The following PCDHA4 variants were observed in gnomAD, a reference collection of about 807,000 sequenced individuals.
The protein encoded by PCDHA4 is protocadherin alpha 4, also known as protocadherin alpha-4.
PCDHA4 carries 49 observed loss-of-function variants against 61.4 expected under a neutral mutation model. The ratio of observed to expected loss-of-function variants is 0.80; its 90% CI spans 0.63 to 1.01. The LOEUF (loss-of-function observed/expected upper bound fraction) is 1.01. Among genes scored for constraint, PCDHA4 ranks in the 50% least tolerant of loss-of-function variants. The pLI is 0.00. For synonymous variants in PCDHA4, 590 were observed against 550.3 expected (o/e 1.07, Z -1.01); for missense variants, 1,254 against 1,235.8 (o/e 1.01, Z -0.22).
rs2150263250 is a variant in PCDHA4 at position 140,836,539 on chromosome 5, C to A, written c.2385+26967C>A. On this transcript the variant is annotated intron_variant, in intron 1 of 3. Transcript: ENST00000530339. ...TTGGTGCTTACCCTGCTGCTGTACA[C>A]GGCGTTGCGGTGCTCAGCGCCGTCC... 8.1e-6 allele frequency: 13 copies of A among 1,613,680 alleles called. No individual in the cohort carries two copies. In the South Asian group the frequency reaches 1.1e-4, roughly 14 times the overall value.
chr5:140,876,231 A>C (rs1428769390), intron 1 of PCDHA4: 4 of 1,614,004 alleles, frequency 2.5e-6, no homozygotes, highest in Non-Finnish European at 3.4e-6. Flanking sequence ...TGTTGTCTGA[A>C]AATGTCCAAA....
intron 1 of PCDHA4, chr5:140,927,933 C>T (rs1273187123): frequency 1.9e-6 from 3 of 1,614,090 alleles, no homozygotes; most frequent in African/African-American, 2.7e-5. Context: ...CTCTTTCGAA[C>T]CCAGTACCTG....
At chr5:140,989,724 T>C (rs1251385686) in intron 3 of PCDHA4, among the ~76,000 whole-genome samples, 6 of 152,178 alleles carry the variant, frequency 3.9e-5, no homozygotes, top group African/African-American at 1.4e-4. Context: ...AGCTTTGCAG[T>C]TGAAAAGGCC....
chr5:140,828,462 G>T, intron 1 of PCDHA4: 1 of 1,614,208 alleles, frequency 6.2e-7, no homozygotes, highest in Non-Finnish European at 8.5e-7. Context: ...GTGGAGGTGA[G>T]GGACATTAAC....
In PCDHA4 at chr5:140,859,254, G is replaced by C. The variant is rs1005222858; in HGVS notation, c.2385+49682G>C. 16 of 131,816 alleles carry C rather than the reference G, an allele frequency of 1.2e-4. 1 individual carries two copies. The highest frequency in any genetic ancestry group is 4.3e-4 in the African/African-American group (16 of 37,090). 8.2% of individuals were successfully genotyped at this position (131,816 alleles called of 1,614,324 possible). A position where few individuals can be genotyped will look rare whatever the true frequency, so the allele number is the denominator to read the frequency against. ...AGTCATGCTTATGTTTAATAATGAA[G>C]AGAATTTGAACACTTTTTACTTTTG... is the stretch of plus-strand genomic sequence containing the variant. On this transcript the variant is annotated intron_variant, in intron 1 of 3. Transcript: ENST00000530339.
At chr5:140,958,796 T>C (rs2095443333) in intron 1 of PCDHA4, among the ~76,000 whole-genome samples, 2 of 152,182 alleles carry the variant, frequency 1.3e-5, no homozygotes, top group Admixed American at 6.5e-5. Context: ...TCTAGTAAAT[T>C]ATCACACCAT....
At chr5:140,924,596 T>C (rs1309205821) in intron 1 of PCDHA4, among the ~76,000 whole-genome samples, 1 of 152,116 alleles carries the variant, frequency 6.6e-6, no homozygotes, top group Non-Finnish European at 1.5e-5. Context: ...TATAGAAATA[T>C]GCAGGCTGAT....
chr5:140,952,338 C>CA (rs55931446), intron 1 of PCDHA4, among the ~76,000 whole-genome samples: 315 of 135,024 alleles, frequency 2.3e-3, no homozygotes, highest in East Asian at 0.011. Context: ...AACTCCATCT[C>CA]AAAAAAAAAA....
At chr5:140,982,273 A>G (rs1554243953) in intron 2 of PCDHA4, 2 of 943,086 alleles carry the variant, frequency 2.1e-6, no homozygotes, top group Non-Finnish European at 3.0e-6. Context: ...CTGGAATAGT[A>G]TAGCAGGCAA....
intron 3 of PCDHA4, among the ~76,000 whole-genome samples, chr5:141,009,295 A>AT (rs1258767808): frequency 6.6e-6 from 1 of 152,030 alleles, no homozygotes; most frequent in African/African-American, 2.4e-5. Flanking sequence ...TTTCTATAAA[A>AT]TTTTTTTTAA....
chr5:140,972,832 T>G (rs1209140344), intron 1 of PCDHA4, among the ~76,000 whole-genome samples: 9 of 151,882 alleles, frequency 5.9e-5, no homozygotes. Flanking sequence ...CCTGGCTAAT[T>G]TTTGTATTTT....
chr5:140,929,430 A>G, intron 1 of PCDHA4: 1 of 1,490,684 alleles, frequency 6.7e-7, no homozygotes, highest in Non-Finnish European at 9.0e-7. Flanking sequence ...CATCAATTGA[A>G]CTAAACACTC....
intron 1 of PCDHA4, among the ~76,000 whole-genome samples, chr5:140,946,626 A>G (rs2093985217): frequency 7.5e-6 from 1 of 132,480 alleles, no homozygotes; most frequent in Non-Finnish European, 1.6e-5. Context: ...ATATATATAT[A>G]TATATACAAT....
intron 1 of PCDHA4, among the ~76,000 whole-genome samples, chr5:140,817,833 T>G (rs1554127315): frequency 1.3e-5 from 2 of 152,214 alleles, no homozygotes; most frequent in Non-Finnish European, 2.9e-5. Flanking sequence ...ATGTCTTAAT[T>G]TTACTATCAC....
At chr5:140,870,021 TTTAGA>T (rs782664085) in intron 1 of PCDHA4, 39 of 1,613,464 alleles carry the variant, frequency 2.4e-5, no homozygotes, top group Non-Finnish European at 3.1e-5. Flanking sequence ...TCAATGGAAC[TTTAGA>T]TTATGAAGAA....
chr5:140,843,680 G>T, intron 1 of PCDHA4: 1 of 1,588,882 alleles, frequency 6.3e-7, no homozygotes, highest in East Asian at 2.2e-5. Flanking sequence ...TGATGTAGGC[G>T]AAGAGCAAGA....
chr5:140,856,947 A>C (rs1486886568), intron 1 of PCDHA4: 2 of 1,592,142 alleles, frequency 1.3e-6, no homozygotes, highest in Non-Finnish European at 1.7e-6. Context: ...AGGACGGGAG[A>C]AATAAAAGTA....
chr5:140,887,197 C>T (rs1348316837), intron 1 of PCDHA4, among the ~76,000 whole-genome samples: 1 of 151,678 alleles, frequency 6.6e-6, no homozygotes, highest in Non-Finnish European at 1.5e-5. Flanking sequence ...CCCGGGTTCA[C>T]GCCATTCTCC....
chr5:140,961,435 C>T (rs1554225413), intron 1 of PCDHA4, among the ~76,000 whole-genome samples: 1 of 152,174 alleles, frequency 6.6e-6, no homozygotes, highest in Non-Finnish European at 1.5e-5. Flanking sequence ...TACAAAATCA[C>T]CTAACTACAC....
Sources: allele counts gnomAD v4.1 joint callset (sites outside exome capture counted in the v4.1 genomes callset), GRCh38; gene constraint gnomAD v4.1.1; transcripts MANE v1.5; gene names NCBI Gene and HGNC (gene_info 2026-07-23, HGNC 2026-07-21).